The following DDIAS variants were observed in gnomAD, a reference collection of about 807,000 sequenced individuals.
The protein encoded by DDIAS is DNA damage-induced apoptosis suppressor protein.
DDIAS carries 14 observed loss-of-function variants against 15.7 expected under a neutral mutation model. The observed-to-expected ratio is 0.89, with a 90% CI of 0.59 to 1.39. The LOEUF (loss-of-function observed/expected upper bound fraction) is 1.39, where lower values mean the gene tolerates loss of function less well. Among genes scored for constraint, DDIAS ranks in the 40% most tolerant of loss-of-function variants. The probability of loss-of-function intolerance (pLI) is 0.00; values close to 1 mark genes in which losing one functional copy is unlikely to be tolerated. For synonymous variants in DDIAS, 355 were observed against 395.9 expected (o/e 0.90, Z 1.23); for missense variants, 1,035 against 1,130.9 (o/e 0.92, Z 1.22).
At chr11:82,912,454 A>G (rs546554250) in intron 1 of DDIAS, among the ~76,000 whole-genome samples, 14 of 152,304 alleles carry the variant, frequency 9.2e-5, no homozygotes, top group African/African-American at 3.4e-4. Context: ...CCTAAACTTC[A>G]AGAACCAGCC....
At chr11:82,925,723 T>C (rs1565248687) in intron 3 of DDIAS, among the ~76,000 whole-genome samples, 1 of 152,142 alleles carries the variant, frequency 6.6e-6, no homozygotes, top group Non-Finnish European at 1.5e-5. Context: ...GTGCGGTGGC[T>C]CACACCTGTA....
chr11:82,933,401 A>G lies in DDIAS; in HGVS notation c.2063A>G (p.Asp688Gly), dbSNP rs1861045010. 6.2e-7 allele frequency: 1 copy of G among 1,613,868 alleles called. No homozygotes were observed. The highest frequency in any genetic ancestry group is 8.5e-7 in the Non-Finnish European group (1 of 1,179,948). ...DLFDDIAKEM[D>G]IATEITKKSQ... is the part of the protein sequence containing the mutation. ...TTTGATGATATTGCTAAAGAAATGG[A>G]CATTGCAACTGAGATTACCAAAAAA... Residue 688 changes from aspartate to glycine, a missense_variant, in exon 6 of 6, where the codon GAC (aspartate) becomes GGC (glycine). Asp to Gly is a moderately conservative substitution (Grantham distance 94). Transcript: ENST00000533655.
chr11:82,928,903 T>TA lies in DDIAS; in HGVS notation c.241dup (p.Thr81AsnfsTer18), dbSNP rs759907660. On this transcript the variant is annotated frameshift_variant, in exon 4 of 6. Transcript: ENST00000533655. LOFTEE classifies it high-confidence loss of function. ...TTACTGTATTTGGAAGTTGCTTAGA[T>TA]ACATTTTTTGGTCTTACTGCCACTG... The TA allele has an allele frequency of 4.8e-5, 77 of 1,612,290 alleles. 1 individual carries two copies. Among genetic ancestry groups the TA allele is most frequent in the Non-Finnish European group, 5.1e-6 (6 of 1,179,632 alleles).
chr11:82,906,254 T>G (rs1265108295), intron 1 of DDIAS, among the ~76,000 whole-genome samples: 2 of 152,190 alleles, frequency 1.3e-5, no homozygotes, highest in Non-Finnish European at 2.9e-5. Context: ...TGCCATTTTC[T>G]GGGGTTCACC....
chr11:82,905,896 T>C (rs1292263183), intron 1 of DDIAS, among the ~76,000 whole-genome samples: 1 of 152,138 alleles, frequency 6.6e-6, no homozygotes, highest in African/African-American at 2.4e-5. Context: ...CCAATAAATG[T>C]GAAAAGAAAG....
intron 1 of DDIAS, among the ~76,000 whole-genome samples, chr11:82,907,363 C>G (rs1269386378): frequency 6.6e-6 from 1 of 152,084 alleles, no homozygotes; most frequent in African/African-American, 2.4e-5. Context: ...GGTAGGACTA[C>G]AGAGGTACAA....
intron 3 of DDIAS, among the ~76,000 whole-genome samples, chr11:82,926,775 C>T (rs903672631): frequency 6.6e-6 from 1 of 152,126 alleles, no homozygotes; most frequent in Non-Finnish European, 1.5e-5. Flanking sequence ...TTACACCACA[C>T]TAACATTTAT....
Position 82,933,715 on chromosome 11 carries a change from A to G in DDIAS, c.2377A>G (p.Lys793Glu). The G allele has an allele frequency of 3.7e-6, 6 of 1,613,402 alleles. No individual in the cohort carries two copies. The highest frequency in any genetic ancestry group is 5.1e-6 in the Non-Finnish European group (6 of 1,179,820). Reference sequence around the variant, plus strand: ...AATTCATGGGATAAACAGAGCTTTCAAAAAACCTGTATTTTATTCAGATCT... The same window carrying G: ...AATTCATGGGATAAACAGAGCTTTCGAAAAACCTGTATTTTATTCAGATCT... Reference protein sequence around the residue: ...TRIHGINRAFKKPVFYSDLDG... With the variant: ...TRIHGINRAFEKPVFYSDLDG... The change falls in exon 6 of 6, where the codon AAA (lysine) becomes GAA (glutamate). Residue 793 changes from lysine (K) to glutamate (E), a missense_variant. Lys to Glu is a moderately conservative substitution (Grantham distance 56). Coordinates refer to ENST00000533655, the MANE Select transcript of DDIAS (RefSeq NM_145018.4).
intron 1 of DDIAS, among the ~76,000 whole-genome samples, chr11:82,906,517 A>G (rs1165871427): frequency 6.6e-6 from 1 of 151,886 alleles, no homozygotes; most frequent in African/African-American, 2.4e-5. Flanking sequence ...CCAATTAGCA[A>G]TTTTTTTTAG....
chr11:82,907,341 GACAAA>G (rs1035353079), intron 1 of DDIAS, among the ~76,000 whole-genome samples: 2 of 152,118 alleles, frequency 1.3e-5, no homozygotes, highest in African/African-American at 2.4e-5. Flanking sequence ...CACTACAATA[GACAAA>G]ACAAATGGTA....
intron 3 of DDIAS, 31 bp from the exon 4 acceptor site, chr11:82,928,746 A>C (rs777489155): frequency 6.2e-7 from 1 of 1,604,088 alleles, no homozygotes; most frequent in Non-Finnish European, 8.5e-7. Flanking sequence ...TTTAATGAAC[A>C]TCTCCACACT....
At chr11:82,928,491 G>A (rs760090562) in intron 3 of DDIAS, among the ~76,000 whole-genome samples, 4 of 151,948 alleles carry the variant, frequency 2.6e-5, no homozygotes, top group Admixed American at 6.6e-5. Context: ...GAACCACCGC[G>A]CCCGGCCTTT....
chr11:82,927,789 T>A (rs140590140), intron 3 of DDIAS, among the ~76,000 whole-genome samples: 1 of 152,348 alleles, frequency 6.6e-6, no homozygotes, highest in African/African-American at 2.4e-5. Context: ...ATACTTGATA[T>A]AATTATGAGG....
Position 82,934,197 on chromosome 11 carries a change from C to T in DDIAS, c.2859C>T (p.Val953=), listed in dbSNP as rs747327591. Residue 953 remains valine, a synonymous_variant, in exon 6 of 6, where the codon GTC becomes GTT. Coordinates refer to ENST00000533655, the MANE Select transcript of DDIAS (RefSeq NM_145018.4). ...TTTCCAAATGTCCAGACATTCAAGT[C>T]TTAGCAGCACCTCAGCTGCACCCTA... ...GWISKCPDIQ[V]LAAPQLHPIL... 31 of 1,613,998 alleles carry T rather than the reference C, an allele frequency of 1.9e-5. No homozygotes were observed. Among genetic ancestry groups the T allele is most frequent in the African/African-American group, 2.7e-5 (2 of 74,934 alleles).
chr11:82,929,426 G>A (rs780048878), intron 4 of DDIAS, among the ~76,000 whole-genome samples: 73 of 152,106 alleles, frequency 4.8e-4, no homozygotes, highest in Non-Finnish European at 1.0e-3. Flanking sequence ...TTTCTTGGCC[G>A]GGCGCGGTAG....
At position 82,905,693 on chromosome 11, in the gene DDIAS, T is replaced by C. The variant is rs561654646; in HGVS notation, c.-117+3871T>C. On this transcript the variant is annotated intron_variant, in intron 1 of 5. Coordinates refer to ENST00000533655, the MANE Select transcript of DDIAS (RefSeq NM_145018.4). ...TGTGATTATTTTAATGTCTGTCTCT[T>C]ACACTAGACTGTAAGTCTAGTGACT... is the stretch of plus-strand genomic sequence containing the variant. Among the ~76,000 whole-genome samples, 23 of 152,272 alleles carry C rather than the reference T, an allele frequency of 1.5e-4. No individual in the cohort carries two copies. The East Asian group carries it at 4.1e-3, about 27-fold the overall frequency.
At chr11:82,910,614 T>C (rs1280153765) in intron 1 of DDIAS, among the ~76,000 whole-genome samples, 8 of 58,282 alleles carry the variant, frequency 1.4e-4, no homozygotes, top group South Asian at 4.9e-4. Flanking sequence ...CTCTTTTTTT[T>C]TTTTTTTTTT....
chr11:82,923,895 G>A (rs80234621), intron 3 of DDIAS, among the ~76,000 whole-genome samples: 3 of 152,264 alleles, frequency 2.0e-5, no homozygotes, highest in Non-Finnish European at 2.9e-5. Context: ...GTGTATGTCT[G>A]TACTCTCCCC....
Position 82,933,820 on chromosome 11 carries a change from A to G in DDIAS, c.2482A>G (p.Lys828Glu), listed in dbSNP as rs767419846. Residue 828 changes from lysine to glutamate, a missense_variant, in exon 6 of 6, where the codon AAA becomes GAA. Lys to Glu is a moderately conservative substitution (Grantham distance 56). Transcript: ENST00000533655. ...CAGCCCAAGCTGTCCAAAAAATATA[A>G]AAACACCTAGCCAGAAAATCAGAAG... ...QASPSCPKNI[K>E]TPSQKIRSPI... 45 of 1,613,456 alleles carry G rather than the reference A, an allele frequency of 2.8e-5. No individual in the cohort carries two copies. The highest frequency in any genetic ancestry group is 3.7e-5 in the Non-Finnish European group (44 of 1,179,936).
Sources: gnomAD v4.1 joint callset for allele counts (sites outside exome capture counted in the v4.1 genomes callset) on GRCh38, gnomAD v4.1.1 for gene constraint, MANE v1.5 for transcripts, NCBI Gene and HGNC (gene_info 2026-07-23, HGNC 2026-07-21) for gene names.